The following WWP2 variants were observed in gnomAD, a reference collection of about 807,000 sequenced individuals.
WWP2 encodes the protein NEDD4-like E3 ubiquitin-protein ligase WWP2.
Under a neutral mutation model 121.0 loss-of-function variants are expected in WWP2, and 57 were observed. That is an observed-to-expected ratio of 0.47 (90% CI 0.38 to 0.59). The LOEUF (loss-of-function observed/expected upper bound fraction) is 0.59, where lower values mean the gene tolerates loss of function less well. Ranked by LOEUF, WWP2 falls within the 20% of genes least tolerant of loss-of-function variation. The pLI is 0.00. For missense variants in WWP2, 962 were observed against 1,158.9 expected (o/e 0.83, Z 2.47); for synonymous variants, 449 against 441.3 (o/e 1.02, Z -0.22).
intron 13 of WWP2, 120 bp downstream of exon 13, chr16:69,930,378 C>G (rs1252177528): frequency 6.9e-7 from 1 of 1,446,658 alleles, no homozygotes; most frequent in Admixed American, 2.4e-5. Context: ...CCTTACTGCC[C>G]TCTAGTGGCC....
At chr16:69,920,161 T>G (rs1432636122) in intron 10 of WWP2, among the ~76,000 whole-genome samples, 1 of 152,152 alleles carries the variant, frequency 6.6e-6, no homozygotes, top group African/African-American at 2.4e-5. Context: ...TAGTTCTGTC[T>G]GTGGGGATGG....
intron 1 of WWP2, among the ~76,000 whole-genome samples, chr16:69,777,524 C>T (rs575587649): frequency 2.0e-5 from 3 of 151,990 alleles, no homozygotes; most frequent in African/African-American, 7.2e-5. Context: ...TGGTCTCGAA[C>T]TCCTGACCTC....
chr16:69,836,180 C>A (rs2056873874), intron 4 of WWP2, among the ~76,000 whole-genome samples: 1 of 152,122 alleles, frequency 6.6e-6, no homozygotes, highest in Non-Finnish European at 1.5e-5. Context: ...AGTTTGTATG[C>A]AAATTTCTCC....
intron 7 of WWP2, among the ~76,000 whole-genome samples, chr16:69,878,930 T>C (rs894157603): frequency 6.6e-6 from 1 of 152,224 alleles, no homozygotes. Flanking sequence ...ATATCCAAAG[T>C]AGTATAAAAT....
intron 6 of WWP2, among the ~76,000 whole-genome samples, chr16:69,852,156 C>A (rs1316863698): frequency 6.6e-6 from 1 of 152,156 alleles, no homozygotes; most frequent in Non-Finnish European, 1.5e-5. Context: ...AGTGAGAGTT[C>A]CTGTTGCTCC....
At chr16:69,812,470 C>CG (rs2056412087) in intron 4 of WWP2, among the ~76,000 whole-genome samples, 4 of 129,490 alleles carry the variant, frequency 3.1e-5, no homozygotes, top group South Asian at 4.7e-4. Flanking sequence ...TGCCCCCAAC[C>CG]CCCCCCCTTT....
chr16:69,832,078 C>T (rs543680369), intron 4 of WWP2, among the ~76,000 whole-genome samples: 5 of 152,296 alleles, frequency 3.3e-5, no homozygotes, highest in African/African-American at 1.2e-4. Flanking sequence ...AACCATCTGC[C>T]TCGGCCTCCC....
chr16:69,863,695 G>A lies in WWP2; in HGVS notation c.576-8109G>A, dbSNP rs1008111717. On this transcript the variant is annotated intron_variant, in intron 6 of 23. Coordinates refer to ENST00000359154, the MANE Select transcript of WWP2 (RefSeq NM_001270454.2). Reference sequence around the variant, plus strand: ...AGATACAGAAAGTTTCATCACCCCAGAAAGTTCCCCAGTGCCCCTTTGTAG... The same window carrying A: ...AGATACAGAAAGTTTCATCACCCCAAAAAGTTCCCCAGTGCCCCTTTGTAG... Among the ~76,000 whole-genome samples, 4 of 152,114 alleles carry A rather than the reference G, an allele frequency of 2.6e-5. No homozygotes were observed. In the East Asian group the frequency reaches 7.7e-4, roughly 29 times the overall value.
intron 6 of WWP2, among the ~76,000 whole-genome samples, chr16:69,868,039 AAG>A (rs1200981822): frequency 6.6e-6 from 1 of 152,248 alleles, no homozygotes; most frequent in Non-Finnish European, 1.5e-5. Context: ...GAAACTGCCA[AAG>A]AGAGGAGTTG....
At chr16:69,814,263 C>T (rs772519701) in intron 4 of WWP2, among the ~76,000 whole-genome samples, 6 of 152,094 alleles carry the variant, frequency 3.9e-5, no homozygotes, top group Admixed American at 3.3e-4. Context: ...TGGGCTCAAG[C>T]GATCCTCTTG....
At chr16:69,884,950 A>G (rs555812003) in intron 7 of WWP2, among the ~76,000 whole-genome samples, 3 of 152,310 alleles carry the variant, frequency 2.0e-5, no homozygotes, top group Admixed American at 6.5e-5. Flanking sequence ...TTATTTAATT[A>G]TTTAAGCCTA....
chr16:69,805,462 C>A (rs1036182570), intron 4 of WWP2, among the ~76,000 whole-genome samples: 1 of 152,076 alleles, frequency 6.6e-6, no homozygotes, highest in Non-Finnish European at 1.5e-5. Flanking sequence ...TAGAGAAATG[C>A]CCTCTAGTAA....
At chr16:69,852,677 A>G (rs9921747) in intron 6 of WWP2, among the ~76,000 whole-genome samples, 87 of 58,918 alleles carry the variant, frequency 1.5e-3, no homozygotes, top group Middle Eastern at 7.7e-3. Context: ...CTGGTTGTTC[A>G]TGTTCTTATT....
chr16:69,872,865 G>A (rs1053110798), intron 7 of WWP2, among the ~76,000 whole-genome samples: 6 of 152,300 alleles, frequency 3.9e-5, no homozygotes, highest in South Asian at 2.1e-4. Flanking sequence ...CTCATTTTCC[G>A]TCCTGCTCTC....
At chr16:69,806,957 C>T (rs113357379) in intron 4 of WWP2, among the ~76,000 whole-genome samples, 2,534 of 118,220 alleles carry the variant, frequency 0.021, 54 homozygotes, top group African/African-American at 0.078. Context: ...TTTATTTATT[C>T]ATTCATTCAT....
chr16:69,932,056 G>A (rs530972274), intron 16 of WWP2, among the ~76,000 whole-genome samples, 166 bp downstream of exon 16: 8 of 152,368 alleles, frequency 5.3e-5, no homozygotes, highest in Non-Finnish European at 8.8e-5. Flanking sequence ...CCCGCCAGGC[G>A]CGGTGGCTCA....
Position 69,925,070 on chromosome 16 carries a change from G to A in WWP2, c.1180-360G>A. Reference sequence around the variant, plus strand: ...CTTGGCCGCCTTGAGCCGGAGCTGAGCGGAGGCACTGGGCCGAGCCTGCTT... The same window carrying A: ...CTTGGCCGCCTTGAGCCGGAGCTGAACGGAGGCACTGGGCCGAGCCTGCTT... On this transcript the variant is annotated intron_variant, in intron 10 of 23. Transcript: ENST00000359154. The surrounding 1 kb of genome is among the most constrained non-coding windows in gnomAD (Gnocchi z 4.0). 1.9e-6 allele frequency: 2 copies of A among 1,035,506 alleles called. No homozygotes were observed. The highest frequency in any genetic ancestry group is 2.3e-6 in the Non-Finnish European group (2 of 862,786). The allele number at this position is 1,035,506 out of a possible 1,614,324, so 64.1% of individuals were successfully genotyped here.
At chr16:69,919,506 G>C (rs1034354120) in intron 10 of WWP2, among the ~76,000 whole-genome samples, 13 of 152,136 alleles carry the variant, frequency 8.5e-5, no homozygotes, top group African/African-American at 3.1e-4. Flanking sequence ...GGGTGCTCTG[G>C]TTTCAAACTA....
intron 2 of WWP2, among the ~76,000 whole-genome samples, chr16:69,798,100 G>A (rs2056085309): frequency 6.6e-6 from 1 of 152,162 alleles, no homozygotes; most frequent in African/African-American, 2.4e-5. Flanking sequence ...ACTCTGTGAT[G>A]TCTGGTAAAA....
Sources: gnomAD v4.1 joint callset for allele counts (sites outside exome capture counted in the v4.1 genomes callset) on GRCh38, gnomAD v4.1.1 for gene constraint, Gnocchi (gnomAD v3.1) non-coding constraint, MANE v1.5 for transcripts, NCBI Gene and HGNC (gene_info 2026-07-23, HGNC 2026-07-21) for gene names.